Variants in GPC5 observed in about 807,000 individuals in gnomAD.
GPC5 encodes glypican-5.
In GPC5, 47 loss-of-function variants were observed where a neutral mutation model predicts 53.9. That is an observed-to-expected ratio of 0.87 (90% CI 0.69 to 1.11). GPC5 has a LOEUF of 1.11. GPC5 is among the 50% of genes most tolerant of loss of function. The probability of loss-of-function intolerance (pLI) is 0.00; values close to 1 mark genes in which losing one functional copy is unlikely to be tolerated. For missense variants in GPC5, 748 were observed against 713.1 expected (o/e 1.05, Z -0.56); for synonymous variants, 286 against 263.3 (o/e 1.09, Z -0.84).
At chr13:92,863,815 C>T (rs1879258860) in intron 7 of GPC5, among the ~76,000 whole-genome samples, 1 of 152,116 alleles carries the variant, frequency 6.6e-6, no homozygotes, top group South Asian at 2.1e-4. Flanking sequence ...TAGCACCAAT[C>T]ACCAGGTCTG....
chr13:92,267,798 T>A (rs932583559), intron 7 of GPC5, among the ~76,000 whole-genome samples: 1 of 152,048 alleles, frequency 6.6e-6, no homozygotes, highest in African/African-American at 2.4e-5. Flanking sequence ...CAGAATTGGG[T>A]AGTTCTGACA....
At chr13:92,264,636 C>A (rs945786997) in intron 7 of GPC5, among the ~76,000 whole-genome samples, 1 of 151,876 alleles carries the variant, frequency 6.6e-6, no homozygotes, top group South Asian at 2.1e-4. Context: ...ATGGGAGCTG[C>A]TGAGTTCAAC....
intron 2 of GPC5, among the ~76,000 whole-genome samples, chr13:91,589,606 C>T (rs1424143780): frequency 6.6e-6 from 1 of 152,110 alleles, no homozygotes; most frequent in Non-Finnish European, 1.5e-5. Context: ...CTTTATCATT[C>T]CCCCAATGAG....
At chr13:91,942,543 A>T (rs1157823669) in intron 6 of GPC5, among the ~76,000 whole-genome samples, 1 of 152,080 alleles carries the variant, frequency 6.6e-6, no homozygotes, top group Non-Finnish European at 1.5e-5. Flanking sequence ...TTGCTTTCAA[A>T]ATCAATAAAA....
chr13:92,166,716 T>C lies in GPC5; in HGVS notation c.1561+21727T>C, dbSNP rs554270454. 2.4e-3 allele frequency among the ~76,000 whole-genome samples: 364 copies of C among 152,250 alleles called. 1 individual carries two copies. Among genetic ancestry groups the C allele is most frequent in the Non-Finnish European group, 4.2e-3 (286 of 68,014 alleles). On this transcript the variant is annotated intron_variant, in intron 7 of 7. Coordinates refer to ENST00000377067, the MANE Select transcript of GPC5 (RefSeq NM_004466.6). ...AGAATAGAATACCCTTGATGAGTGATCTTATGAGGGAAGGGCTGTTTAACA... is the reference window on the plus strand; with the variant it reads ...AGAATAGAATACCCTTGATGAGTGACCTTATGAGGGAAGGGCTGTTTAACA...
chr13:91,654,078 G>A (rs2034786990), intron 2 of GPC5, among the ~76,000 whole-genome samples: 1 of 152,142 alleles, frequency 6.6e-6, no homozygotes, highest in Non-Finnish European at 1.5e-5. Context: ...CAGCTACTGA[G>A]ATTTTAGAGG....
At chr13:92,723,982 A>G (rs1888571144) in intron 7 of GPC5, among the ~76,000 whole-genome samples, 1 of 151,602 alleles carries the variant, frequency 6.6e-6, no homozygotes, top group African/African-American at 2.4e-5. Flanking sequence ...ATAGAGTTGG[A>G]GGTTAAGAAA....
At chr13:92,296,869 TC>T (rs1371676433) in intron 7 of GPC5, among the ~76,000 whole-genome samples, 1 of 152,306 alleles carries the variant, frequency 6.6e-6, no homozygotes, top group East Asian at 1.9e-4. Flanking sequence ...GGCGCTGTGC[TC>T]GATTTCTCGC....
chr13:91,728,707 A>G, intron 4 of GPC5, 42 bp downstream of exon 4: 1 of 1,588,032 alleles, frequency 6.3e-7, no homozygotes, highest in Non-Finnish European at 8.6e-7. Flanking sequence ...AAAGAAAGTA[A>G]GCCATTAATT....
intron 7 of GPC5, among the ~76,000 whole-genome samples, chr13:92,465,401 A>AT (rs930008023): frequency 2.1e-4 from 32 of 152,102 alleles, no homozygotes; most frequent in African/African-American, 7.7e-4. Flanking sequence ...TCTTTAAGAT[A>AT]TTTTAACATT....
intron 2 of GPC5, among the ~76,000 whole-genome samples, chr13:91,489,053 G>A (rs181419895): frequency 3.4e-4 from 52 of 152,258 alleles, no homozygotes; most frequent in Admixed American, 1.9e-3. Flanking sequence ...TGGTCAGACC[G>A]GTTGTCTGCT....
chr13:91,663,393 A>C (rs931053168), intron 2 of GPC5, among the ~76,000 whole-genome samples: 2 of 152,172 alleles, frequency 1.3e-5, no homozygotes, highest in African/African-American at 4.8e-5. Context: ...CTGTATAAAT[A>C]TATGTGCTTA....
intron 6 of GPC5, among the ~76,000 whole-genome samples, chr13:92,042,948 G>A (rs1373109531): frequency 6.6e-6 from 1 of 152,160 alleles, no homozygotes; most frequent in Non-Finnish European, 1.5e-5. Flanking sequence ...GGAAATTCTA[G>A]AGTGGAAAAT....
chr13:92,663,674 TAC>T lies in GPC5; in HGVS notation c.1562-202605_1562-202604del, dbSNP rs1242407532. Among the ~76,000 whole-genome samples the T allele has an allele frequency of 1.1e-4, 15 of 142,688 alleles. No homozygotes were observed. In the South Asian group the frequency reaches 3.2e-3, roughly 31 times the overall value. 93.6% of individuals were successfully genotyped at this position (142,688 alleles called of 152,430 possible). The stretch of plus-strand genomic sequence containing the variant: ...ATACTATATATATATACTATATATA[TAC>T]ACTATATATATCTACTATATATATT... On this transcript the variant is annotated intron_variant, in intron 7 of 7. Coordinates refer to ENST00000377067, the MANE Select transcript of GPC5 (RefSeq NM_004466.6).
intron 2 of GPC5, among the ~76,000 whole-genome samples, chr13:91,533,750 C>G (rs993263011): frequency 3.9e-5 from 6 of 152,066 alleles, no homozygotes; most frequent in African/African-American, 1.4e-4. Context: ...TTTCCAACAC[C>G]TTCTCAGTCT....
intron 7 of GPC5, among the ~76,000 whole-genome samples, chr13:92,403,674 C>G (rs1283247773): frequency 6.6e-6 from 1 of 152,168 alleles, no homozygotes; most frequent in Non-Finnish European, 1.5e-5. Flanking sequence ...TGTGCTAAAG[C>G]ATTCTAGAGC....
intron 7 of GPC5, among the ~76,000 whole-genome samples, chr13:92,647,154 T>A (rs1175204590): frequency 6.6e-6 from 1 of 152,110 alleles, no homozygotes; most frequent in Non-Finnish European, 1.5e-5. Flanking sequence ...AGCCTAATGT[T>A]GGATATAAAT....
rs562197596 is a variant in GPC5, at chr13:92,285,263, A to G, written c.1561+140274A>G. ...AGAAGACACAAAGAAATGGAAGAAC[A>G]TTCCATGCTCATGGATAGGAAGAAT... On this transcript the variant is annotated intron_variant, in intron 7 of 7. Coordinates refer to ENST00000377067, the MANE Select transcript of GPC5 (RefSeq NM_004466.6). Among the ~76,000 whole-genome samples, 11 of 152,364 alleles carry G rather than the reference A, an allele frequency of 7.2e-5. No individual in the cohort carries two copies. In the East Asian group the frequency reaches 1.3e-3, roughly 19 times the overall value.
chr13:92,612,817 T>C (rs956258480), intron 7 of GPC5, among the ~76,000 whole-genome samples: 3 of 152,168 alleles, frequency 2.0e-5, no homozygotes, highest in African/African-American at 7.2e-5. Context: ...AAGATATTTG[T>C]AAAGTTCTTT....
Sources: allele counts gnomAD v4.1 joint callset (sites outside exome capture counted in the v4.1 genomes callset), GRCh38; gene constraint gnomAD v4.1.1; transcripts MANE v1.5; gene names NCBI Gene and HGNC (gene_info 2026-07-23, HGNC 2026-07-21).